Variants in EXOC2 observed in about 807,000 individuals in gnomAD.
The protein encoded by EXOC2 is exocyst complex component 2.
In EXOC2, 70 loss-of-function variants were observed where a neutral mutation model predicts 131.8. The observed-to-expected ratio is 0.53, with a 90% CI of 0.44 to 0.65. The LOEUF is 0.65. EXOC2 is among the 30% of genes least tolerant of loss of function. The probability of loss-of-function intolerance (pLI) is 0.00; values close to 1 mark genes in which losing one functional copy is unlikely to be tolerated. For missense variants in EXOC2, 923 were observed against 1,108.6 expected, an observed-to-expected ratio of 0.83 and a Z score of 2.38; for synonymous variants, 411 against 398.4, an observed-to-expected ratio of 1.03 and a Z score of -0.38.
intron 7 of EXOC2, among the ~76,000 whole-genome samples, chr6:605,448 G>T (rs976133604): frequency 2.0e-5 from 3 of 152,180 alleles, no homozygotes; most frequent in African/African-American, 7.2e-5. Flanking sequence ...TATGTGTCCA[G>T]GAATTTATCC....
intron 1 of EXOC2, among the ~76,000 whole-genome samples, chr6:677,668 C>T (rs1764206065): frequency 6.6e-6 from 1 of 152,088 alleles, no homozygotes; most frequent in Non-Finnish European, 1.5e-5. Context: ...GGGGTTTCAC[C>T]ATGTTGGTCG....
At chr6:498,085 T>G (rs1201379149) in intron 24 of EXOC2, among the ~76,000 whole-genome samples, 2 of 152,270 alleles carry the variant, frequency 1.3e-5, no homozygotes, top group African/African-American at 2.4e-5. Flanking sequence ...CTGACTCTGC[T>G]GACTCATAAA....
At chr6:660,544 G>A (rs1763380801) in intron 1 of EXOC2, among the ~76,000 whole-genome samples, 1 of 152,214 alleles carries the variant, frequency 6.6e-6, no homozygotes, top group East Asian at 1.9e-4. Flanking sequence ...AGACCCAGAA[G>A]AGAGACAACA....
At chr6:545,960 A>G (rs1161705822) in intron 22 of EXOC2, among the ~76,000 whole-genome samples, 1 of 152,228 alleles carries the variant, frequency 6.6e-6, no homozygotes, top group Non-Finnish European at 1.5e-5. Flanking sequence ...TACAATGTCA[A>G]ATGAATTCAG....
At chr6:600,979 G>A (rs988362395) in intron 7 of EXOC2, among the ~76,000 whole-genome samples, 4 of 152,128 alleles carry the variant, frequency 2.6e-5, no homozygotes, top group Non-Finnish European at 5.9e-5. Context: ...ATCAGATAAT[G>A]TATTCAGTAA....
At chr6:621,697 A>G (rs150683221) in intron 4 of EXOC2, among the ~76,000 whole-genome samples, 429 of 151,896 alleles carry the variant, frequency 2.8e-3, no homozygotes, top group African/African-American at 9.2e-3. Flanking sequence ...TCACGAGTTA[A>G]AAGATTTATA....
chr6:648,357 G>C (rs1319639299), intron 1 of EXOC2, among the ~76,000 whole-genome samples: 1 of 152,098 alleles, frequency 6.6e-6, no homozygotes, highest in African/African-American at 2.4e-5. Flanking sequence ...AGAGTCTAAG[G>C]CTTTAAGGAA....
rs145669000 is a variant in EXOC2, at chr6:574,106, A to G, written c.1319-1462T>C. ...ATACTGCCTTTCACATTTTTGACGT[A>G]TCGTAATTTAACAAGTTCCCTTCCA... On this transcript the variant is annotated intron_variant, in intron 12 of 27. Coordinates refer to ENST00000230449, the MANE Select transcript of EXOC2 (RefSeq NM_018303.6). Among the ~76,000 whole-genome samples the G allele has an allele frequency of 8.3e-4, 127 of 152,292 alleles. 1 individual carries two copies. The highest frequency in any genetic ancestry group is 2.3e-3 in the African/African-American group (96 of 41,552).
chr6:569,518 G>C (rs1042229647), intron 13 of EXOC2, among the ~76,000 whole-genome samples: 1 of 149,926 alleles, frequency 6.7e-6, no homozygotes, highest in Non-Finnish European at 1.5e-5. Context: ...AAACTATCAT[G>C]CTTTCTTGTG....
At chr6:686,661 T>C (rs961021262) in intron 1 of EXOC2, among the ~76,000 whole-genome samples, 4 of 152,226 alleles carry the variant, frequency 2.6e-5, no homozygotes, top group Non-Finnish European at 5.9e-5. Flanking sequence ...CACTGGATTC[T>C]ATCTTAATTG....
At chr6:489,902 G>C (rs1289477401) in intron 26 of EXOC2, among the ~76,000 whole-genome samples, 2 of 152,220 alleles carry the variant, frequency 1.3e-5, no homozygotes, top group African/African-American at 4.8e-5. Flanking sequence ...AGTTCCAACA[G>C]AGTCATAAAA....
chr6:597,911 A>T, intron 10 of EXOC2, 110 bp downstream of exon 10: 1 of 711,946 alleles, frequency 1.4e-6, no homozygotes, highest in Non-Finnish European at 2.3e-6. Context: ...CTTCCCCTTC[A>T]CCATTTCATC....
chr6:584,871 C>G (rs757740372), intron 11 of EXOC2, among the ~76,000 whole-genome samples: 1 of 152,188 alleles, frequency 6.6e-6, no homozygotes, highest in Non-Finnish European at 1.5e-5. Context: ...CTTAAGTTAT[C>G]AGACATAGCC....
chr6:598,168 T>G (rs1438177185), intron 9 of EXOC2, 45 bp from the exon 10 acceptor site: 11 of 1,490,258 alleles, frequency 7.4e-6, no homozygotes, highest in Non-Finnish European at 1.0e-5. Flanking sequence ...GAATGAAAAT[T>G]TAATATCAAA....
intron 4 of EXOC2, among the ~76,000 whole-genome samples, chr6:621,489 T>G (rs1292816510): frequency 2.0e-5 from 3 of 152,256 alleles, no homozygotes; most frequent in African/African-American, 7.2e-5. Context: ...TAATGCCTAC[T>G]GCGTGAGCAT....
chr6:624,749 C>T (rs565084233), intron 4 of EXOC2, among the ~76,000 whole-genome samples: 7 of 152,192 alleles, frequency 4.6e-5, no homozygotes, highest in Non-Finnish European at 7.3e-5. Flanking sequence ...AAGAGAATTG[C>T]TAATGCCCTT....
At chr6:669,686 C>CT (rs149659550) in intron 1 of EXOC2, 6,817 of 152,584 alleles carry the variant, frequency 0.045, 257 homozygotes, top group African/African-American at 0.1. Flanking sequence ...AGAAGGATGG[C>CT]AACAGTTGGT....
At chr6:623,063 A>G (rs1409868116) in intron 4 of EXOC2, among the ~76,000 whole-genome samples, 1 of 152,200 alleles carries the variant, frequency 6.6e-6, no homozygotes, top group Non-Finnish European at 1.5e-5. Flanking sequence ...GCCAGTCCCT[A>G]GCAGTGGGGC....
At chr6:646,644 A>G (rs1762590678) in intron 1 of EXOC2, among the ~76,000 whole-genome samples, 1 of 152,374 alleles carries the variant, frequency 6.6e-6, no homozygotes. Context: ...GACATCAGCA[A>G]AATGCACAAA....
Sources: gnomAD v4.1 joint callset for allele counts (sites outside exome capture counted in the v4.1 genomes callset) on GRCh38, gnomAD v4.1.1 for gene constraint, MANE v1.5 for transcripts, NCBI Gene and HGNC (gene_info 2026-07-23, HGNC 2026-07-21) for gene names.